Variants in EPHA3 observed in about 807,000 individuals in gnomAD.
EPHA3 encodes the protein ephrin type-A receptor 3.
A neutral mutation model predicts 107.1 loss-of-function variants in EPHA3; 42 were observed. The observed-to-expected ratio is 0.39, with a 90% CI of 0.31 to 0.51. The LOEUF (loss-of-function observed/expected upper bound fraction) is 0.51. Ranked by LOEUF, EPHA3 falls within the 20% of genes least tolerant of loss-of-function variation. The probability of loss-of-function intolerance (pLI) is 0.78; values close to 1 mark genes in which losing one functional copy is unlikely to be tolerated. For missense variants in EPHA3, 1,183 were observed against 1,211.2 expected (o/e 0.98, Z 0.35); for synonymous variants, 461 against 424.8 (o/e 1.09, Z -1.05).
intron 13 of EPHA3, among the ~76,000 whole-genome samples, chr3:89,447,256 A>C (rs184273764): frequency 2.2e-4 from 34 of 152,226 alleles, no homozygotes; most frequent in Admixed American, 1.9e-3. Context: ...GTTTTACTTC[A>C]TCAGTAGAAA....
intron 3 of EPHA3, among the ~76,000 whole-genome samples, chr3:89,250,446 C>T (rs984382580): frequency 5.3e-5 from 8 of 152,168 alleles, no homozygotes; most frequent in Non-Finnish European, 1.2e-4. Flanking sequence ...GTACCTTTAT[C>T]TACCCTATTA....
intron 13 of EPHA3, among the ~76,000 whole-genome samples, chr3:89,446,197 T>C (rs888908502): frequency 2.0e-4 from 31 of 152,330 alleles, no homozygotes; most frequent in African/African-American, 7.0e-4. Flanking sequence ...TGCTTGAATC[T>C]GTAACCATGT....
In EPHA3 at chr3:89,267,328, T is replaced by C. The variant is rs1705561412; in HGVS notation, c.814+56808T>C. Among the ~76,000 whole-genome samples the C allele has an allele frequency of 1.3e-5, 2 of 152,150 alleles. 1 individual carries two copies. Among genetic ancestry groups the C allele is most frequent in the South Asian group, 4.1e-4 (2 of 4,830 alleles). On this transcript the variant is annotated intron_variant, in intron 3 of 16. Coordinates refer to ENST00000336596, the MANE Select transcript of EPHA3 (RefSeq NM_005233.6). ...TAAAAAAGATGTCTGTGTACTTCAA[T>C]TGGAAGGGAATGAGGGTTGACTCAA...
rs1489898421 is a variant in EPHA3, at chr3:89,407,137, A to G, written c.1595-132A>G. 7.7e-5 allele frequency: 48 copies of G among 621,836 alleles called. No homozygotes were observed. In the Admixed American group the frequency reaches 1.0e-3, roughly 13 times the overall value. The allele number at this position is 621,836 out of a possible 1,614,324, so 38.5% of individuals were successfully genotyped here. A position where few individuals can be genotyped will look rare whatever the true frequency, so the allele number is the denominator to read the frequency against. The stretch of plus-strand genomic sequence containing the variant: ...AAGTAAAGAATACTTTCAACATTGT[A>G]TCAGACATTAAGCCATACTTCAGGT... On this transcript the variant is annotated intron_variant, in intron 7 of 16. Coordinates refer to ENST00000336596, the MANE Select transcript of EPHA3 (RefSeq NM_005233.6).
chr3:89,419,449 C>T (rs1371932461), intron 11 of EPHA3, 59 bp downstream of exon 11: 1 of 1,410,334 alleles, frequency 7.1e-7, no homozygotes, highest in Non-Finnish European at 9.4e-7. Flanking sequence ...TTGTTTAAAC[C>T]CAACCCCAAC....
intron 13 of EPHA3, among the ~76,000 whole-genome samples, chr3:89,434,640 T>G (rs545200095): frequency 6.6e-6 from 1 of 152,216 alleles, no homozygotes; most frequent in African/African-American, 2.4e-5. Context: ...AGATGATTCA[T>G]ACTCTGGAGA....
intron 2 of EPHA3, among the ~76,000 whole-genome samples, chr3:89,132,894 A>G (rs1704235370): frequency 5.3e-5 from 8 of 152,156 alleles, no homozygotes. Flanking sequence ...TGTCTCTCAA[A>G]AAGAATTTTT....
At chr3:89,217,804 C>T (rs1390900181) in intron 3 of EPHA3, among the ~76,000 whole-genome samples, 2 of 151,942 alleles carry the variant, frequency 1.3e-5, no homozygotes, top group Admixed American at 1.3e-4. Context: ...TAACTTTCAA[C>T]AAAGAGAAAG....
chr3:89,184,646 T>C (rs1705520096), intron 2 of EPHA3, among the ~76,000 whole-genome samples: 1 of 152,028 alleles, frequency 6.6e-6, no homozygotes, highest in Non-Finnish European at 1.5e-5. Flanking sequence ...TGAAAGATAC[T>C]GTGCTTTTCC....
At chr3:89,221,202 A>G (rs899723091) in intron 3 of EPHA3, among the ~76,000 whole-genome samples, 3 of 152,196 alleles carry the variant, frequency 2.0e-5, no homozygotes, top group Non-Finnish European at 4.4e-5. Context: ...TGTTTACTGT[A>G]AGGATGCTTC....
At position 89,451,880 on chromosome 3, in the gene EPHA3, CGT is replaced by C. The variant is rs146055053; in HGVS notation, c.2690+1535_2690+1536del. On this transcript the variant is annotated intron_variant, in intron 15 of 16. Coordinates refer to ENST00000336596, the MANE Select transcript of EPHA3 (RefSeq NM_005233.6). ...TTATCTGTTTGAAGATCAAGCAGGG[CGT>C]GTGTGTGTGTGTGTGTGTGTGTGTT... Among the ~76,000 whole-genome samples, 530 of 143,398 alleles carry C rather than the reference CGT, an allele frequency of 3.7e-3. 2 individuals are homozygous for C. Among genetic ancestry groups the C allele is most frequent in the South Asian group, 0.012 (53 of 4,430 alleles). 94.1% of individuals were successfully genotyped at this position (143,398 alleles called of 152,430 possible).
intron 5 of EPHA3, among the ~76,000 whole-genome samples, chr3:89,388,244 C>A (rs1282870589): frequency 1.3e-5 from 2 of 151,972 alleles, no homozygotes; most frequent in Non-Finnish European, 2.9e-5. Context: ...ATACTTTATT[C>A]CAAGGCTAAC....
At chr3:89,370,692 A>T (rs965007944) in intron 5 of EPHA3, among the ~76,000 whole-genome samples, 2 of 151,784 alleles carry the variant, frequency 1.3e-5, no homozygotes, top group African/African-American at 4.8e-5. Flanking sequence ...CATTAGTTGT[A>T]TATAGACAAA....
chr3:89,467,640 C>G (rs534315521), intron 15 of EPHA3, among the ~76,000 whole-genome samples: 1 of 151,854 alleles, frequency 6.6e-6, no homozygotes, highest in African/African-American at 2.4e-5. Context: ...TTTTTATGCA[C>G]CTATTTACAG....
chr3:89,301,958 T>C (rs1706501772), intron 3 of EPHA3, among the ~76,000 whole-genome samples: 1 of 152,048 alleles, frequency 6.6e-6, no homozygotes, highest in African/African-American at 2.4e-5. Flanking sequence ...TGTACTCAAG[T>C]AAAGAAGGGA....
chr3:89,175,202 T>C (rs1028472635), intron 2 of EPHA3, among the ~76,000 whole-genome samples: 7 of 152,130 alleles, frequency 4.6e-5, no homozygotes, highest in Middle Eastern at 6.8e-3. Flanking sequence ...AAAATAAAGC[T>C]GAAACAAATT....
At chr3:89,186,012 T>TCC (rs1414843421) in intron 2 of EPHA3, among the ~76,000 whole-genome samples, 15 of 152,072 alleles carry the variant, frequency 9.9e-5, no homozygotes, top group Admixed American at 2.6e-4. Context: ...TTTCTCTTTT[T>TCC]TCTTTCTCTC....
At chr3:89,411,439 C>A (rs923385737) in intron 9 of EPHA3, among the ~76,000 whole-genome samples, 1 of 151,800 alleles carries the variant, frequency 6.6e-6, no homozygotes, top group African/African-American at 2.4e-5. Context: ...GTTAGCTTTT[C>A]TTCTGCATTC....
At position 89,420,640 on chromosome 3, in the gene EPHA3, G is replaced by A. The variant is rs1416981414; in HGVS notation, c.2074+1250G>A. Among the ~76,000 whole-genome samples, 3 of 151,448 alleles carry A rather than the reference G, an allele frequency of 2.0e-5. No individual in the cohort carries two copies. In the East Asian group the frequency reaches 5.8e-4, roughly 29 times the overall value. ...CATAATTAGTAAGGATTGGGAAAGT[G>A]TATGAATCCTTTGTTCTTTCTGAGC... On this transcript the variant is annotated intron_variant, in intron 11 of 16. Transcript: ENST00000336596.
Sources: allele counts gnomAD v4.1 joint callset (sites outside exome capture counted in the v4.1 genomes callset), GRCh38; gene constraint gnomAD v4.1.1; transcripts MANE v1.5; gene names NCBI Gene and HGNC (gene_info 2026-07-23, HGNC 2026-07-21).